Variants in DHX8 observed in about 807,000 individuals in gnomAD.
The protein encoded by DHX8 is DEAH-box helicase 8.
A neutral mutation model predicts 140.7 loss-of-function variants in DHX8; 67 were observed. The observed-to-expected ratio is 0.48, with a 90% confidence interval of 0.39 to 0.58. The LOEUF (loss-of-function observed/expected upper bound fraction) is 0.58, where lower values mean the gene tolerates loss of function less well. DHX8 is among the 20% of genes least tolerant of loss of function. The probability of loss-of-function intolerance (pLI) is 0.00; values close to 1 mark genes in which losing one functional copy is unlikely to be tolerated. For missense variants in DHX8, 887 were observed against 1,550.7 expected (o/e 0.57, Z 7.19); for synonymous variants, 533 against 553.2 (o/e 0.96, Z 0.51).
intron 2 of DHX8, among the ~76,000 whole-genome samples, chr17:43,536,101 A>T (rs987287191): frequency 3.3e-5 from 5 of 150,786 alleles, no homozygotes; most frequent in African/African-American, 9.7e-5. Flanking sequence ...ACAGAGCAAG[A>T]CTCTGTCTTG....
intron 11 of DHX8, among the ~76,000 whole-genome samples, chr17:43,500,487 G>A (rs1411514183): frequency 4.0e-5 from 6 of 149,848 alleles, no homozygotes; most frequent in Non-Finnish European, 7.4e-5. Context: ...ACTCCATCTC[G>A]AAAAAAAAAT....
intron 22 of DHX8, among the ~76,000 whole-genome samples, chr17:43,523,220 T>G (rs1010013781): frequency 2.6e-5 from 4 of 152,248 alleles, no homozygotes; most frequent in Non-Finnish European, 5.9e-5. Flanking sequence ...GTAGAAGGGT[T>G]AGAAATGTGG....
chr17:43,542,803 C>G (rs534261744), intron 3 of DHX8, among the ~76,000 whole-genome samples: 3 of 152,172 alleles, frequency 2.0e-5, no homozygotes, highest in Admixed American at 6.6e-5. Context: ...CCAGGACCCC[C>G]CTGCTGCTTC....
chr17:43,522,322 G>A (rs72833136), intron 22 of DHX8, 96 bp downstream of exon 22: 302,389 of 1,211,048 alleles, frequency 0.25, 38,532 homozygotes, highest in East Asian at 0.36. Context: ...ACTACTCCCA[G>A]TATGTCCTAG....
At chr17:43,519,230 G>A (rs1022210843) in intron 18 of DHX8, 1 of 152,168 alleles carries the variant, frequency 6.6e-6, no homozygotes, top group African/African-American at 2.4e-5. Context: ...AATGCATGAG[G>A]TTTCTGATAC....
At chr17:43,517,026 GA>G in intron 17 of DHX8, 140 bp from the exon 18 acceptor site, 2 of 887,458 alleles carry the variant, frequency 2.3e-6, no homozygotes, top group Non-Finnish European at 3.3e-6. Context: ...GGTAGTCTTG[GA>G]AATGGTCCCA....
In DHX8 at chr17:43,500,214, G is replaced by T. The variant is rs1396896436; in HGVS notation, c.1546+111G>T. 4.8e-6 allele frequency: 6 copies of T among 1,251,532 alleles called. No individual in the cohort carries two copies. The African/African-American group carries it at 9.0e-5, about 19-fold the overall frequency. 77.5% of individuals were successfully genotyped at this position (1,251,532 alleles called of 1,614,324 possible). On this transcript the variant is annotated intron_variant, in intron 11 of 22. Coordinates refer to ENST00000262415, the MANE Select transcript of DHX8 (RefSeq NM_004941.3). ...AAAAATTTACCCTTGGGCCGGGGCG[G>T]TGGCTCATGCCTGTAATCCCAGCAC... is the stretch of plus-strand genomic sequence containing the variant.
chr17:43,509,200 C>T (rs1029879575), intron 16 of DHX8, among the ~76,000 whole-genome samples: 1 of 152,162 alleles, frequency 6.6e-6, no homozygotes, highest in African/African-American at 2.4e-5. Context: ...GAGCACCCAA[C>T]CCTGTCTTCC....
intron 1 of DHX8, among the ~76,000 whole-genome samples, chr17:43,488,300 A>G (rs1042774177): frequency 3.8e-5 from 5 of 131,510 alleles, no homozygotes; most frequent in African/African-American, 1.4e-4. Flanking sequence ...AAAAAAAGAA[A>G]AAAAGAAAGT....
chr17:43,529,170 G>A (rs1295330775), downstream of DHX8: 2 of 1,613,976 alleles, frequency 1.2e-6, no homozygotes, highest in East Asian at 4.5e-5. Flanking sequence ...TAGTATCGGA[G>A]CGAGCGGCTC....
At position 43,491,688 on chromosome 17, in the gene DHX8, C is replaced by G. The variant is rs898543660; in HGVS notation, c.393+438C>G. On this transcript the variant is annotated intron_variant, in intron 4 of 22. Coordinates refer to ENST00000262415, the MANE Select transcript of DHX8 (RefSeq NM_004941.3). ...TGAACAGAACAGACAAGAGTTTCAG[C>G]CTTTGGAGATTATATCCTAATTTTG... Among the ~76,000 whole-genome samples, 7 of 151,970 alleles carry G rather than the reference C, an allele frequency of 4.6e-5. No homozygotes were observed. In the East Asian group the frequency reaches 1.3e-3, roughly 29 times the overall value.
Position 43,492,777 on chromosome 17 carries a change from G to T in DHX8, c.600G>T (p.Arg200=), listed in dbSNP as rs547188121. 1 of 1,614,166 alleles carries T rather than the reference G, an allele frequency of 6.2e-7. No individual in the cohort carries two copies. Among genetic ancestry groups the T allele is most frequent in the East Asian group, 2.2e-5 (1 of 44,892 alleles). The part of the protein sequence containing the change: ...RERNRDRDHK[R]RHRSRSRSRS... Reference sequence around the variant, plus strand: ...GAAACCGAGATAGAGACCACAAGCGGAGACACCGATCCCGCTCTCGATCAC... The same window carrying T: ...GAAACCGAGATAGAGACCACAAGCGTAGACACCGATCCCGCTCTCGATCAC... The change falls in exon 6 of 23, where the codon CGG becomes CGT. Residue 200 remains arginine (R), a synonymous_variant. Coordinates refer to ENST00000262415, the MANE Select transcript of DHX8 (RefSeq NM_004941.3).
chr17:43,518,820 C>T (rs1033477778), intron 18 of DHX8: 1 of 152,128 alleles, frequency 6.6e-6, no homozygotes, highest in Non-Finnish European at 1.5e-5. Flanking sequence ...TTTGTCTATT[C>T]TAGATAGCCT....
intron 17 of DHX8, among the ~76,000 whole-genome samples, chr17:43,513,887 A>G (rs1241464530): frequency 6.6e-6 from 1 of 151,422 alleles, no homozygotes; most frequent in Non-Finnish European, 1.5e-5. Context: ...CTAATTTTCT[A>G]TTTTTAGTAG....
At chr17:43,541,812 A>G (rs1026981718) in intron 3 of DHX8, among the ~76,000 whole-genome samples, 2 of 152,142 alleles carry the variant, frequency 1.3e-5, no homozygotes, top group Admixed American at 6.6e-5. Context: ...TGGAGGGGAC[A>G]TATTTGTCCC....
intron 18 of DHX8, chr17:43,518,832 A>T (rs1307871158): frequency 6.6e-6 from 1 of 152,076 alleles, no homozygotes; most frequent in East Asian, 1.9e-4. Context: ...AGATAGCCTC[A>T]TTTAAGTGGA....
chr17:43,508,042 C>T (rs1358938375), intron 15 of DHX8, 23 bp downstream of exon 15: 2 of 1,607,876 alleles, frequency 1.2e-6, no homozygotes, highest in African/African-American at 2.7e-5. Flanking sequence ...AGCAATTTTC[C>T]TTTTTGGGAG....
chr17:43,527,014 C>T (rs1970638932), downstream of DHX8, among the ~76,000 whole-genome samples: 1 of 152,108 alleles, frequency 6.6e-6, no homozygotes. Context: ...CAGGAGAGCA[C>T]CGGTTTTTAC....
intron 12 of DHX8, among the ~76,000 whole-genome samples, chr17:43,506,789 C>T (rs146070647): frequency 6.6e-6 from 1 of 152,134 alleles, no homozygotes; most frequent in Admixed American, 6.5e-5. Context: ...TTGGGAGTTA[C>T]AGTGGGAAGG....
Sources: allele counts gnomAD v4.1 joint callset (sites outside exome capture counted in the v4.1 genomes callset), GRCh38; gene constraint gnomAD v4.1.1; transcripts MANE v1.5; gene names NCBI Gene and HGNC (gene_info 2026-07-23, HGNC 2026-07-21).